OXSR1: variants seen among roughly 807,000 people sequenced by gnomAD.
OXSR1 encodes serine/threonine-protein kinase OSR1.
Under a neutral mutation model 79.8 loss-of-function variants are expected in OXSR1, and 24 were observed. The ratio of observed to expected loss-of-function variants is 0.30; its 90% CI spans 0.22 to 0.42. The LOEUF is 0.42. Among genes scored for constraint, OXSR1 ranks in the 10% least tolerant of loss-of-function variants. The pLI, the probability that OXSR1 is intolerant of heterozygous loss-of-function variation, is 1.00. For synonymous variants in OXSR1, 226 were observed against 209.2 expected, an observed-to-expected ratio of 1.08 and a Z score of -0.69; for missense variants, 430 against 618.4, an observed-to-expected ratio of 0.70 and a Z score of 3.23.
intron 3 of OXSR1, among the ~76,000 whole-genome samples, chr3:38,197,330 T>TAGG (rs1234657029): frequency 6.6e-6 from 1 of 152,248 alleles, no homozygotes; most frequent in African/African-American, 2.4e-5. Flanking sequence ...CGGGGAGGAA[T>TAGG]AGGAATCTGA....
chr3:38,165,795 T>G lies in OXSR1; in HGVS notation c.-82T>G. 3 of 1,228,854 alleles carry G rather than the reference T, an allele frequency of 2.4e-6. No individual in the cohort carries two copies. The highest frequency in any genetic ancestry group is 3.5e-6 in the Non-Finnish European group (3 of 859,012). The allele number at this position is 1,228,854 out of a possible 1,614,324, so 76.1% of individuals were successfully genotyped here. On this transcript the variant is annotated 5_prime_UTR_variant, in exon 1 of 18. Transcript: ENST00000311806. ...GGGGCGCGGCGGCGGCGGCGGCGGCTGTTGGGGGTGGGGAGACGCGCGGCG... is the reference window on the plus strand; with the variant it reads ...GGGGCGCGGCGGCGGCGGCGGCGGCGGTTGGGGGTGGGGAGACGCGCGGCG...
At chr3:38,204,503 C>T (rs1362346244) in intron 4 of OXSR1, among the ~76,000 whole-genome samples, 1 of 152,056 alleles carries the variant, frequency 6.6e-6, no homozygotes, top group Admixed American at 6.5e-5. Flanking sequence ...TACAGCTTGG[C>T]TGCCACTGCC....
At chr3:38,192,241 T>A (rs2077397598) in intron 3 of OXSR1, among the ~76,000 whole-genome samples, 1 of 152,202 alleles carries the variant, frequency 6.6e-6, no homozygotes, top group Non-Finnish European at 1.5e-5. Flanking sequence ...AAAGTCACTC[T>A]TGTGTCCTCT....
At chr3:38,215,892 A>G (rs1478104297) in intron 4 of OXSR1, among the ~76,000 whole-genome samples, 4 of 152,182 alleles carry the variant, frequency 2.6e-5, no homozygotes, top group African/African-American at 7.2e-5. Flanking sequence ...ATATTATAGT[A>G]AGAACCTTTC....
intron 4 of OXSR1, among the ~76,000 whole-genome samples, chr3:38,213,303 C>T (rs1246976497): frequency 2.0e-5 from 3 of 152,072 alleles, no homozygotes; most frequent in African/African-American, 7.2e-5. Flanking sequence ...CTTACAAAAT[C>T]CCCTGACACC....
At chr3:38,186,312 AAACAT>A (rs1701884982) in intron 2 of OXSR1, among the ~76,000 whole-genome samples, 2 of 152,204 alleles carry the variant, frequency 1.3e-5, no homozygotes, top group Non-Finnish European at 2.9e-5. Flanking sequence ...ATACTTTTTA[AAACAT>A]AACAGCTTTA....
In OXSR1 at chr3:38,254,700, C is replaced by T. The variant is rs36014521; in HGVS notation, c.*1809C>T. Reference sequence around the variant, plus strand: ...CTTTGGCACAAGACTAGTGGCTTACCGCTTACCTTAGAGTTTTGTTTTTTT... The same window carrying T: ...CTTTGGCACAAGACTAGTGGCTTACTGCTTACCTTAGAGTTTTGTTTTTTT... On this transcript the variant is annotated 3_prime_UTR_variant, in exon 18 of 18. Transcript: ENST00000311806. 3.0e-3 allele frequency: 452 copies of T among 152,884 alleles called. 1 individual carries two copies. The highest frequency in any genetic ancestry group is 0.01 in the African/African-American group (431 of 41,096). The allele number at this position is 152,884 out of a possible 1,614,324, so 9.5% of individuals were successfully genotyped here. A position where few individuals can be genotyped will look rare whatever the true frequency, so the allele number is the denominator to read the frequency against.
intron 10 of OXSR1, 63 bp from the exon 11 acceptor site, chr3:38,236,776 T>G (rs747019446): frequency 3.5e-6 from 5 of 1,424,656 alleles, no homozygotes; most frequent in Admixed American, 2.2e-5. Context: ...GAGAGAAATA[T>G]GGAGTTTTCT....
chr3:38,254,127 C>T lies in OXSR1; in HGVS notation c.*1236C>T, dbSNP rs550665248. ...TTTGTCTAACTGCTAGTAACCCTAC[C>T]GAGTTTTATATATGAGTGGGATACT... On this transcript the variant is annotated 3_prime_UTR_variant, in exon 18 of 18. Coordinates refer to ENST00000311806, the MANE Select transcript of OXSR1 (RefSeq NM_005109.3). 5 of 398,554 alleles carry T rather than the reference C, an allele frequency of 1.3e-5. No individual in the cohort carries two copies. Among genetic ancestry groups the T allele is most frequent in the Middle Eastern group, 6.3e-4 (1 of 1,580 alleles). 24.7% of individuals were successfully genotyped at this position (398,554 alleles called of 1,614,324 possible).
Position 38,246,112 on chromosome 3 carries a change from A to C in OXSR1, c.1148A>C (p.Gln383Pro). The change falls in exon 13 of 18, where the codon CAA becomes CCA. Residue 383 changes from glutamine to proline, a missense_variant. Transcript: ENST00000311806. ...ACTGATCCTGTGGGTACTTTGCTCC[A>C]AGTTCCAGAACAGATCTCTGCTCAT... ...PTTDPVGTLLQVPEQISAHLP... is the reference protein window; with the variant it reads ...PTTDPVGTLLPVPEQISAHLP... 1 of 1,613,812 alleles carries C rather than the reference A, an allele frequency of 6.2e-7. No homozygotes were observed. The highest frequency in any genetic ancestry group is 1.1e-5 in the South Asian group (1 of 91,068).
chr3:38,199,063 A>G (rs1702115977), intron 4 of OXSR1, among the ~76,000 whole-genome samples, 200 bp downstream of exon 4: 1 of 152,218 alleles, frequency 6.6e-6, no homozygotes, highest in African/African-American at 2.4e-5. Flanking sequence ...AACAGGAAAA[A>G]TTCATAATTT....
rs1259759513 is a variant in OXSR1 at position 38,230,625 on chromosome 3, T to G, written c.951+195T>G. ...TATGCCTTGGTATTACTCTGCTATC[T>G]TTTAGGATGAAAAGGGATGCTAGAC... is the stretch of plus-strand genomic sequence containing the variant. On this transcript the variant is annotated intron_variant, in intron 10 of 17. Coordinates refer to ENST00000311806, the MANE Select transcript of OXSR1 (RefSeq NM_005109.3). The G allele has an allele frequency of 1.6e-5, 8 of 509,092 alleles. No individual in the cohort carries two copies. In the East Asian group the frequency reaches 2.4e-4, roughly 15 times the overall value. The allele number at this position is 509,092 out of a possible 1,614,324, so 31.5% of individuals were successfully genotyped here. A position where few individuals can be genotyped will look rare whatever the true frequency, so the allele number is the denominator to read the frequency against.
intron 5 of OXSR1, among the ~76,000 whole-genome samples, chr3:38,220,978 GTTTACCAATGTCATACA>G (rs1553636637): frequency 6.6e-6 from 1 of 152,156 alleles, no homozygotes; most frequent in Non-Finnish European, 1.5e-5. Context: ...GGTGAACTAA[GTTTACCAATGTCATACA>G]TCTACCAAGA....
chr3:38,226,317 A>G (rs1373765265), intron 8 of OXSR1, among the ~76,000 whole-genome samples: 3 of 152,252 alleles, frequency 2.0e-5, no homozygotes, highest in East Asian at 1.9e-4. Context: ...AAATCTGAAA[A>G]GATACAAAAT....
intron 1 of OXSR1, among the ~76,000 whole-genome samples, chr3:38,180,931 C>T (rs1458604821): frequency 1.3e-5 from 2 of 152,106 alleles, no homozygotes; most frequent in African/African-American, 2.4e-5. Flanking sequence ...TGGGCCCACC[C>T]AGACAATTTA....
At chr3:38,208,164 C>T (rs1204510138) in intron 4 of OXSR1, among the ~76,000 whole-genome samples, 3 of 151,928 alleles carry the variant, frequency 2.0e-5, no homozygotes, top group Non-Finnish European at 4.4e-5. Context: ...TTCTACTTAA[C>T]AGTGCCGGAA....
At chr3:38,176,903 C>A (rs953240810) in intron 1 of OXSR1, among the ~76,000 whole-genome samples, 2 of 152,146 alleles carry the variant, frequency 1.3e-5, no homozygotes, top group Non-Finnish European at 1.5e-5. Context: ...ACATTTTTAA[C>A]CCCAGCATGG....
chr3:38,213,587 G>A (rs1482473780), intron 4 of OXSR1, among the ~76,000 whole-genome samples: 1 of 152,150 alleles, frequency 6.6e-6, no homozygotes, highest in Non-Finnish European at 1.5e-5. Context: ...TGTGAATACT[G>A]GTTCATTTAT....
intron 5 of OXSR1, among the ~76,000 whole-genome samples, chr3:38,218,656 G>A (rs901341233): frequency 2.0e-5 from 3 of 152,092 alleles, no homozygotes; most frequent in African/African-American, 7.2e-5. Context: ...AGTGACCTTT[G>A]ATGCACAAAA....
Sources: allele counts gnomAD v4.1 joint callset (sites outside exome capture counted in the v4.1 genomes callset), GRCh38; gene constraint gnomAD v4.1.1; transcripts MANE v1.5; gene names NCBI Gene and HGNC (gene_info 2026-07-23, HGNC 2026-07-21).